RTP2: variants seen among roughly 807,000 people sequenced by gnomAD.
The protein encoded by RTP2 is receptor transporter protein 2, also known as receptor-transporting protein 2.
RTP2 carries 12 observed loss-of-function variants against 17.9 expected under a neutral mutation model. The observed-to-expected ratio is 0.67, with a 90% CI of 0.43 to 1.09. RTP2 has a LOEUF of 1.09. Among genes scored for constraint, RTP2 ranks in the 50% least tolerant of loss-of-function variants. The pLI, the probability that RTP2 is intolerant of heterozygous loss-of-function variation, is 0.00. For missense variants in RTP2, 327 were observed against 295.7 expected, an observed-to-expected ratio of 1.11 and a Z score of -0.78; for synonymous variants, 126 against 117.7, an observed-to-expected ratio of 1.07 and a Z score of -0.46.
upstream of RTP2, among the ~76,000 whole-genome samples, chr3:187,703,977 A>G (rs921358071): frequency 2.0e-5 from 3 of 152,164 alleles, no homozygotes; most frequent in Non-Finnish European, 4.4e-5. Context: ...CACTTTTCAT[A>G]CAATCAGTGA....
chr3:187,706,538 G>A (rs1448840119), upstream of RTP2, among the ~76,000 whole-genome samples: 1 of 152,182 alleles, frequency 6.6e-6, no homozygotes, highest in East Asian at 1.9e-4. Context: ...GTTAAATTTG[G>A]ATATAGAGTG....
At chr3:187,701,982 C>T in exon 1 of RTP2, 1 of 1,607,174 alleles carries the variant, frequency 6.2e-7, no homozygotes, top group South Asian at 1.1e-5. Context: ...AGGCGTGCTG[C>T]TCCAGGTACT....
At chr3:187,704,320 G>A (rs190088411), upstream of RTP2, among the ~76,000 whole-genome samples, 1 of 152,176 alleles carries the variant, frequency 6.6e-6, no homozygotes, top group South Asian at 2.1e-4. Flanking sequence ...AGTAATGTAA[G>A]AAATGCCAGT....
upstream of RTP2, among the ~76,000 whole-genome samples, chr3:187,705,063 C>CT (rs1307942428): frequency 6.6e-6 from 1 of 151,990 alleles, no homozygotes; most frequent in Non-Finnish European, 1.5e-5. Context: ...TCTACTTATC[C>CT]TTTTTTCCGG....
upstream of RTP2, among the ~76,000 whole-genome samples, chr3:187,705,455 A>G (rs1273589485): frequency 6.6e-6 from 1 of 152,222 alleles, no homozygotes; most frequent in Non-Finnish European, 1.5e-5. Flanking sequence ...TAAAAATGAC[A>G]AGGCTGGGGT....
At chr3:187,702,743 C>A (rs1717886402), upstream of RTP2, among the ~76,000 whole-genome samples, 1 of 152,222 alleles carries the variant, frequency 6.6e-6, no homozygotes, top group Non-Finnish European at 1.5e-5. Flanking sequence ...AGATTCAGAT[C>A]TAGGCCTTCT....
upstream of RTP2, among the ~76,000 whole-genome samples, chr3:187,707,093 A>G (rs547777148): frequency 6.6e-6 from 1 of 152,058 alleles, no homozygotes; most frequent in South Asian, 2.1e-4. Flanking sequence ...GACCACAGCT[A>G]GGTCTATGGG....
At chr3:187,703,078 C>G (rs1717894757), upstream of RTP2, among the ~76,000 whole-genome samples, 1 of 152,174 alleles carries the variant, frequency 6.6e-6, no homozygotes, top group South Asian at 2.1e-4. Flanking sequence ...ATGCCCAATT[C>G]AAATTCTTTA....
exon 1 of RTP2, chr3:187,702,079 T>C (rs777699149): frequency 6.2e-6 from 10 of 1,613,700 alleles, no homozygotes; most frequent in Non-Finnish European, 8.5e-6. Flanking sequence ...CACCTCCATC[T>C]TCTCATAGAA....
At chr3:187,701,973 G>C in exon 1 of RTP2, 1 of 1,597,232 alleles carries the variant, frequency 6.3e-7, no homozygotes. Flanking sequence ...ACCTGCCTGA[G>C]GCGTGCTGCT....
At chr3:187,713,784 G>C in the RTP2 span, among the ~76,000 whole-genome samples, 23 of 152,158 alleles carry the variant, frequency 1.5e-4, no homozygotes, top group Non-Finnish European at 2.5e-4. Flanking sequence ...CAGGAGGGGT[G>C]GGGGGAGCAA....
chr3:187,712,204 A>G, the RTP2 span, among the ~76,000 whole-genome samples: 3 of 152,192 alleles, frequency 2.0e-5, no homozygotes, highest in African/African-American at 7.2e-5. Flanking sequence ...CACTGAGTCA[A>G]CTTCCTGGCT....
the RTP2 span, among the ~76,000 whole-genome samples, chr3:187,713,342 C>CAA: frequency 6.6e-6 from 1 of 152,172 alleles, no homozygotes; most frequent in Non-Finnish European, 1.5e-5. Context: ...AAGCTGTGCT[C>CAA]AAGGGTACAC....
the RTP2 span, among the ~76,000 whole-genome samples, chr3:187,709,331 T>G: frequency 6.6e-6 from 1 of 152,314 alleles, no homozygotes; most frequent in South Asian, 2.1e-4. Context: ...TGCCCCTATC[T>G]GAAACCTGCA....
At chr3:187,703,570 C>T (rs7616941), upstream of RTP2, among the ~76,000 whole-genome samples, 58,180 of 152,074 alleles carry the variant, frequency 0.38, 12,143 homozygotes, top group African/African-American at 0.56. Flanking sequence ...TGAATTAAAA[C>T]AACTGAGGCC....
exon 2 of RTP2, chr3:187,698,631 T>G (rs1377341306): frequency 5.0e-6 from 8 of 1,614,100 alleles, no homozygotes; most frequent in Non-Finnish European, 6.8e-6. Context: ...CTTGGAGGCT[T>G]CAGAGGTGTA....
At chr3:187,708,402 G>A in the RTP2 span, among the ~76,000 whole-genome samples, 1 of 152,218 alleles carries the variant, frequency 6.6e-6, no homozygotes, top group East Asian at 1.9e-4. Flanking sequence ...CTTAATCTGT[G>A]TCATGACCTG....
intron 1 of RTP2, among the ~76,000 whole-genome samples, chr3:187,700,006 T>C (rs1717806224): frequency 6.6e-6 from 1 of 152,200 alleles, no homozygotes; most frequent in Non-Finnish European, 1.5e-5. Flanking sequence ...TCCAGGCCTC[T>C]GTTATAGAGG....
chr3:187,706,268 A>G (rs1717989346), upstream of RTP2, among the ~76,000 whole-genome samples: 2 of 152,260 alleles, frequency 1.3e-5, no homozygotes, highest in African/African-American at 4.8e-5. Context: ...GATGTTTTAC[A>G]TGAGATGTAA....
Sources: allele counts gnomAD v4.1 joint callset (sites outside exome capture counted in the v4.1 genomes callset), GRCh38; gene constraint gnomAD v4.1.1; transcripts MANE v1.5; gene names NCBI Gene and HGNC (gene_info 2026-07-23, HGNC 2026-07-21).